Variants in ARHGAP6 observed in about 807,000 individuals in gnomAD.
The protein encoded by ARHGAP6 is Rho GTPase activating protein 6.
A neutral mutation model predicts 55.7 loss-of-function variants in ARHGAP6; 16 were observed. The ratio of observed to expected loss-of-function variants is 0.29; its 90% confidence interval spans 0.19 to 0.44. ARHGAP6 has a LOEUF of 0.44. Among genes scored for constraint, ARHGAP6 ranks in the 20% least tolerant of loss-of-function variants. The pLI is 1.00. For missense variants in ARHGAP6, 698 were observed against 808.9 expected, an observed-to-expected ratio of 0.86 and a Z score of 1.66; for synonymous variants, 382 against 360.9, an observed-to-expected ratio of 1.06 and a Z score of -0.66.
At chrX:11,340,647 T>C (rs1290450699) in intron 1 of ARHGAP6, among the ~76,000 whole-genome samples, 1 of 106,452 alleles carries the variant, frequency 9.4e-6, no homozygotes, top group Admixed American at 9.9e-5. Flanking sequence ...GAGAATGGCG[T>C]GAACCCGGGA....
At chrX:11,149,625 G>T (rs746915332) in intron 10 of ARHGAP6, among the ~76,000 whole-genome samples, 1 of 111,681 alleles carries the variant, frequency 9.0e-6, no homozygotes, top group East Asian at 2.8e-4. Context: ...AAAAATCCTA[G>T]TAAAAGAAAA....
At chrX:11,570,483 T>C (rs753117202) in intron 1 of ARHGAP6, among the ~76,000 whole-genome samples, 2 of 110,726 alleles carry the variant, frequency 1.8e-5, no homozygotes, top group East Asian at 2.8e-4. Flanking sequence ...GTAGTGGGGG[T>C]GGTTAGAAAT....
At chrX:11,156,709 C>A in intron 9 of ARHGAP6, 83 bp from the exon 10 acceptor site, 1 of 719,440 alleles carries the variant, frequency 1.4e-6, no homozygotes, top group Non-Finnish European at 2.1e-6. Flanking sequence ...TACTGTAGCA[C>A]AAAACAGAGC....
intron 1 of ARHGAP6, among the ~76,000 whole-genome samples, chrX:11,600,898 G>A (rs2051962217): frequency 8.9e-6 from 1 of 111,818 alleles, no homozygotes; most frequent in Non-Finnish European, 1.9e-5. Flanking sequence ...TGCGAGCCTG[G>A]GTGGAACATG....
chrX:11,147,262 T>C (rs984339815), intron 10 of ARHGAP6, among the ~76,000 whole-genome samples: 20 of 111,232 alleles, frequency 1.8e-4, no homozygotes, highest in African/African-American at 6.5e-4. Flanking sequence ...TAAACACATA[T>C]ACACACACAC....
chrX:11,311,251 T>G (rs1184005610), intron 1 of ARHGAP6, among the ~76,000 whole-genome samples: 7 of 112,124 alleles, frequency 6.2e-5, no homozygotes, highest in African/African-American at 1.9e-4. Context: ...CTTATGTAAT[T>G]TTATCATCCA....
chrX:11,651,704 G>C (rs1016762696), intron 1 of ARHGAP6, among the ~76,000 whole-genome samples: 3 of 111,808 alleles, frequency 2.7e-5, no homozygotes, highest in African/African-American at 9.8e-5. Context: ...TTAGGTCTTT[G>C]AATCACCCCA....
At chrX:11,406,702 A>G (rs1006033810) in intron 1 of ARHGAP6, among the ~76,000 whole-genome samples, 2 of 111,708 alleles carry the variant, frequency 1.8e-5, no homozygotes, top group Non-Finnish European at 3.8e-5. Flanking sequence ...AATATACTGT[A>G]TCCCAGTGTC....
At chrX:11,232,228 A>T (rs184273966) in intron 2 of ARHGAP6, among the ~76,000 whole-genome samples, 194 of 111,760 alleles carry the variant, frequency 1.7e-3, no homozygotes, top group African/African-American at 4.6e-3. Flanking sequence ...GCATTTCTTT[A>T]TCCCCGTCAA....
intron 1 of ARHGAP6, among the ~76,000 whole-genome samples, chrX:11,554,747 C>T (rs909163673): frequency 2.7e-5 from 3 of 111,773 alleles, no homozygotes; most frequent in Non-Finnish European, 5.6e-5. Flanking sequence ...CAAAATTAAA[C>T]CTGAATCCAC....
intron 1 of ARHGAP6, among the ~76,000 whole-genome samples, chrX:11,256,628 G>T (rs992432384): frequency 9.0e-6 from 1 of 111,493 alleles, no homozygotes; most frequent in Non-Finnish European, 1.9e-5. Context: ...AATGAACGGG[G>T]TAAGTAAAAG....
intron 1 of ARHGAP6, among the ~76,000 whole-genome samples, chrX:11,261,280 C>T (rs1326931775): frequency 9.0e-6 from 1 of 111,285 alleles, no homozygotes. Flanking sequence ...GATACCTATA[C>T]CCACCCATCA....
At chrX:11,396,953 A>G (rs1307903288) in intron 1 of ARHGAP6, among the ~76,000 whole-genome samples, 1 of 111,548 alleles carries the variant, frequency 9.0e-6, no homozygotes, top group African/African-American at 3.3e-5. Context: ...ACACACAAAC[A>G]CACACATGTG....
chrX:11,520,136 TATATA>T (rs1372599733), intron 1 of ARHGAP6, among the ~76,000 whole-genome samples: 6 of 36,909 alleles, frequency 1.6e-4, no homozygotes, highest in African/African-American at 8.3e-4. Context: ...TGATTTTATA[TATATA>T]TATATATATA....
At position 11,200,686 on chromosome X, in the gene ARHGAP6, C is replaced by A. The variant is rs147605025; in HGVS notation, c.749-3690G>T. On this transcript the variant is annotated intron_variant, in intron 2 of 12. Coordinates refer to ENST00000337414, the MANE Select transcript of ARHGAP6 (RefSeq NM_013427.3). ...AGGCCTCCTAGGCATTTGTCTCCTTCCAAGTGAATAGCCCAGCATGGGGCA... is the reference window on the plus strand; with the variant it reads ...AGGCCTCCTAGGCATTTGTCTCCTTACAAGTGAATAGCCCAGCATGGGGCA... Among the ~76,000 whole-genome samples the A allele has an allele frequency of 4.5e-3, 510 of 112,323 alleles. 3 individuals are homozygous for A. The highest frequency in any genetic ancestry group is 0.016 in the African/African-American group (484 of 30,927).
chrX:11,639,434 T>A (rs2052451180), intron 1 of ARHGAP6, among the ~76,000 whole-genome samples: 1 of 108,639 alleles, frequency 9.2e-6, no homozygotes, highest in Non-Finnish European at 1.9e-5. Flanking sequence ...CATTGTTCAA[T>A]TCTCACCTAT....
chrX:11,204,038 T>G (rs2046670186), intron 2 of ARHGAP6, among the ~76,000 whole-genome samples: 1 of 112,227 alleles, frequency 8.9e-6, no homozygotes, highest in African/African-American at 3.2e-5. Flanking sequence ...GTGTACACAT[T>G]CTAACTCTGA....
intron 1 of ARHGAP6, among the ~76,000 whole-genome samples, chrX:11,385,269 C>A (rs932852169): frequency 1.3e-4 from 15 of 111,431 alleles, no homozygotes; most frequent in Non-Finnish European, 1.9e-4. Flanking sequence ...AACCTTGCAA[C>A]TCTGAGAAGT....
chrX:11,641,899 T>C (rs1005846001), intron 1 of ARHGAP6, among the ~76,000 whole-genome samples: 5 of 111,666 alleles, frequency 4.5e-5, no homozygotes, highest in African/African-American at 1.6e-4. Flanking sequence ...TCATCATCAC[T>C]TGCTTTCTCT....
Sources: gnomAD v4.1 joint callset for allele counts (sites outside exome capture counted in the v4.1 genomes callset) on GRCh38, gnomAD v4.1.1 for gene constraint, MANE v1.5 for transcripts, NCBI Gene and HGNC (gene_info 2026-07-23, HGNC 2026-07-21) for gene names.